TAMM41: variants seen among roughly 807,000 people sequenced by gnomAD.
TAMM41 encodes phosphatidate cytidylyltransferase, mitochondrial.
TAMM41 carries 36 observed loss-of-function variants against 44.1 expected under a neutral mutation model. That is an observed-to-expected ratio of 0.82 (90% CI 0.63 to 1.08). TAMM41 has a LOEUF of 1.08. Among genes scored for constraint, TAMM41 ranks in the 50% least tolerant of loss-of-function variants. TAMM41 has a pLI of 0.00. For synonymous variants in TAMM41, 164 were observed against 153.1 expected (o/e 1.07, Z -0.53); for missense variants, 417 against 404.3 (o/e 1.03, Z -0.27).
chr3:11,769,271 G>A, the TAMM41 span, among the ~76,000 whole-genome samples: 1 of 151,950 alleles, frequency 6.6e-6, no homozygotes, highest in Non-Finnish European at 1.5e-5. Context: ...TGTATTTTTA[G>A]TAAAGATGGG....
chr3:11,840,472 T>C (rs535738000), intron 2 of TAMM41, among the ~76,000 whole-genome samples: 34 of 152,132 alleles, frequency 2.2e-4, no homozygotes, highest in Non-Finnish European at 2.5e-4. Flanking sequence ...TGACCTCAGG[T>C]GATCCACTCG....
At chr3:11,843,374 T>C (rs1332883367) in intron 2 of TAMM41, among the ~76,000 whole-genome samples, 1 of 151,168 alleles carries the variant, frequency 6.6e-6, no homozygotes, top group Non-Finnish European at 1.5e-5. Flanking sequence ...GTGTGTCCAA[T>C]GGACACACAA....
At chr3:11,786,286 T>TTATTTAATTTTATTATTATTA (rs1553564665), downstream of TAMM41, among the ~76,000 whole-genome samples, 1 of 138,872 alleles carries the variant, frequency 7.2e-6, no homozygotes, top group Non-Finnish European at 1.5e-5. Context: ...TTTATTTAAT[T>TTATTTAATTTTATTATTATTA]TTATTATTAT....
At chr3:11,825,045 C>G (rs534247204) in intron 4 of TAMM41, among the ~76,000 whole-genome samples, 17 of 152,180 alleles carry the variant, frequency 1.1e-4, no homozygotes, top group African/African-American at 3.9e-4. Flanking sequence ...TGACGCCCAC[C>G]ACCAAAGACC....
intron 7 of TAMM41, among the ~76,000 whole-genome samples, chr3:11,795,269 T>G (rs2077577066): frequency 6.6e-6 from 1 of 152,114 alleles, no homozygotes; most frequent in Non-Finnish European, 1.5e-5. Flanking sequence ...TGGGAAAAAA[T>G]AGGATTTAAA....
At chr3:11,802,341 T>C (rs1478474956) in intron 7 of TAMM41, among the ~76,000 whole-genome samples, 1 of 151,436 alleles carries the variant, frequency 6.6e-6, no homozygotes, top group African/African-American at 2.4e-5. Flanking sequence ...GAGATACAAA[T>C]AAACACAATC....
intron 4 of TAMM41, among the ~76,000 whole-genome samples, chr3:11,827,309 C>T (rs374252411): frequency 7.0e-6 from 1 of 142,066 alleles, no homozygotes. Flanking sequence ...CTTTTCTTTT[C>T]TTTTTTTTTT....
At chr3:11,772,369 C>T in the TAMM41 span, among the ~76,000 whole-genome samples, 1 of 152,016 alleles carries the variant, frequency 6.6e-6, no homozygotes, top group Non-Finnish European at 1.5e-5. Context: ...GCGTGAGCCA[C>T]CGTGCCCAGC....
chr3:11,761,116 C>T, the TAMM41 span, among the ~76,000 whole-genome samples: 4 of 149,734 alleles, frequency 2.7e-5, no homozygotes, highest in Non-Finnish European at 5.9e-5. Context: ...TGCAGTGAGC[C>T]GAGATCGGGC....
In TAMM41 at chr3:11,808,102, G is replaced by A. The variant is rs117700066; in HGVS notation, c.875-207C>T. On this transcript the variant is annotated intron_variant, in intron 6 of 7. Transcript: ENST00000455809. ...AGAGCAGCCAGCCGTGGCGCCACCC[G>A]GCTGTGTGAGTCCAAGCCGATGACC... The A allele has an allele frequency of 6.6e-3, 7,190 of 1,091,720 alleles. 266 individuals carry two copies. In the South Asian group the frequency reaches 0.087, roughly 13 times the overall value. 67.6% of individuals were successfully genotyped at this position (1,091,720 alleles called of 1,614,324 possible).
chr3:11,782,661 A>G, the TAMM41 span, among the ~76,000 whole-genome samples: 1 of 152,222 alleles, frequency 6.6e-6, no homozygotes. Flanking sequence ...GGCCTTCCAT[A>G]AACCTTAGGT....
intron 4 of TAMM41, among the ~76,000 whole-genome samples, chr3:11,824,394 C>T (rs1168588781): frequency 5.3e-5 from 7 of 132,522 alleles, no homozygotes; most frequent in Non-Finnish European, 1.1e-4. Context: ...CAAAGTCTCG[C>T]TCTGTTGTCA....
chr3:11,727,296 C>A, the TAMM41 span, among the ~76,000 whole-genome samples: 1 of 152,172 alleles, frequency 6.6e-6, no homozygotes. Flanking sequence ...CCTCACTCCT[C>A]AGGATTGCCT....
the TAMM41 span, among the ~76,000 whole-genome samples, chr3:11,739,744 A>G: frequency 6.6e-6 from 1 of 150,564 alleles, no homozygotes; most frequent in Non-Finnish European, 1.5e-5. Flanking sequence ...GATACTGGAT[A>G]TTCAGGATGT....
At chr3:11,770,286 A>G in the TAMM41 span, among the ~76,000 whole-genome samples, 919 of 152,244 alleles carry the variant, frequency 6.0e-3, 13 homozygotes, top group African/African-American at 0.021. Flanking sequence ...TCAGGAGTAC[A>G]TAAGTGGCCC....
chr3:11,741,701 TATG>T, the TAMM41 span, among the ~76,000 whole-genome samples: 1 of 150,328 alleles, frequency 6.7e-6, no homozygotes, highest in South Asian at 2.1e-4. Context: ...AACTTCAGCA[TATG>T]ATTTTTTTGT....
chr3:11,843,444 A>T (rs2079536933), intron 2 of TAMM41: 1 of 152,496 alleles, frequency 6.6e-6, no homozygotes, highest in African/African-American at 2.4e-5. Context: ...ACAAAAAAAT[A>T]AAGTCAGTGT....
the TAMM41 span, among the ~76,000 whole-genome samples, chr3:11,753,387 A>G: frequency 6.6e-6 from 1 of 151,042 alleles, no homozygotes; most frequent in Admixed American, 6.6e-5. Context: ...TGAGCCAAGA[A>G]TGCACCACTG....
chr3:11,746,644 A>T, the TAMM41 span, among the ~76,000 whole-genome samples: 14 of 108,858 alleles, frequency 1.3e-4, no homozygotes, highest in African/African-American at 7.0e-4. Flanking sequence ...ATTTATTATT[A>T]ATTAATTTAT....
Sources: gnomAD v4.1 joint callset for allele counts (sites outside exome capture counted in the v4.1 genomes callset) on GRCh38, gnomAD v4.1.1 for gene constraint, MANE v1.5 for transcripts, NCBI Gene and HGNC (gene_info 2026-07-23, HGNC 2026-07-21) for gene names.